Variants in WDR18 observed in about 807,000 individuals in gnomAD.
WDR18 encodes the protein WD repeat domain 18, also known as WD repeat-containing protein 18.
A neutral mutation model predicts 49.6 loss-of-function variants in WDR18; 33 were observed. The ratio of observed to expected loss-of-function variants is 0.67; its 90% confidence interval spans 0.50 to 0.89. The LOEUF is 0.89. WDR18 is among the 40% of genes least tolerant of loss of function. WDR18 has a pLI of 0.00. For synonymous variants in WDR18, 315 were observed against 263.6 expected, an observed-to-expected ratio of 1.19 and a Z score of -1.89; for missense variants, 653 against 593.6, an observed-to-expected ratio of 1.10 and a Z score of -1.04.
In WDR18 at chr19:985,862, T is replaced by C; in HGVS notation, c.211-3T>C. ...GCTCACGAGGCTGACTGTGCATCCT[T>C]AGGACCAGCTCCAGCAGAAGATCAT... On this transcript the variant is annotated splice_region_variant and splice_polypyrimidine_tract_variant and intron_variant, in intron 1 of 9. Transcript: ENST00000585809. The C allele has an allele frequency of 3.7e-6, 6 of 1,613,674 alleles. No individual in the cohort carries two copies. Among genetic ancestry groups the C allele is most frequent in the Non-Finnish European group, 4.2e-6 (5 of 1,179,886 alleles).
At position 991,353 on chromosome 19, in the gene WDR18, T is replaced by G; in HGVS notation, c.931+2T>G. On this transcript the variant is annotated splice_donor_variant, in intron 7 of 9. Transcript: ENST00000585809. LOFTEE classifies it high-confidence loss of function. ...GCATCCGGACGGTGGCCCTCAAAGGTGGGCGCGCCTCTGCTCGGCCCGCGG... is the reference window on the plus strand; with the variant it reads ...GCATCCGGACGGTGGCCCTCAAAGGGGGGCGCGCCTCTGCTCGGCCCGCGG... The G allele has an allele frequency of 6.7e-7, 1 of 1,484,518 alleles. No homozygotes were observed. Among genetic ancestry groups the G allele is most frequent in the Non-Finnish European group, 9.0e-7 (1 of 1,112,802 alleles). 92.0% of individuals were successfully genotyped at this position (1,484,518 alleles called of 1,614,324 possible). A position where few individuals can be genotyped will look rare whatever the true frequency, so the allele number is the denominator to read the frequency against.
At chr19:988,615 A>G (rs2038501093) in intron 2 of WDR18, among the ~76,000 whole-genome samples, 1 of 152,264 alleles carries the variant, frequency 6.6e-6, no homozygotes, top group Non-Finnish European at 1.5e-5. Context: ...ACTTTCGACA[A>G]CAGAAACTCG....
chr19:984,557 G>A lies in WDR18; in HGVS notation c.204G>A (p.Gln68=). 6.8e-7 allele frequency: 1 copy of A among 1,477,618 alleles called. No homozygotes were observed. Among genetic ancestry groups the A allele is most frequent in the Non-Finnish European group, 9.0e-7 (1 of 1,112,734 alleles). The allele number at this position is 1,477,618 out of a possible 1,614,324, so 91.5% of individuals were successfully genotyped here. Residue 68 remains glutamine, a synonymous_variant, in exon 1 of 10, where the codon CAG becomes CAA. Transcript: ENST00000585809. ...ATTACATCAGCGCCTGGGAGCTCCA[G>A]CGGAAGGTGCGGCGGTGCGGTCTCG... The part of the protein sequence containing the change: ...GKNYISAWEL[Q]RKDQLQQKIM...
At chr19:994,120 A>G in intron 9 of WDR18, 32 bp downstream of exon 9, 1 of 1,549,484 alleles carries the variant, frequency 6.5e-7, no homozygotes. Flanking sequence ...GCGGGGCCTG[A>G]GGCTGGGGTC....
intron 2 of WDR18, 72 bp downstream of exon 2, chr19:986,047 A>G: frequency 6.8e-7 from 1 of 1,465,196 alleles, no homozygotes. Context: ...GCAGGGCACC[A>G]GGGAACAACC....
chr19:990,000 C>A, intron 3 of WDR18, 105 bp downstream of exon 3: 1 of 1,492,326 alleles, frequency 6.7e-7, no homozygotes, highest in Admixed American at 2.3e-5. Context: ...CTCTTGGGGG[C>A]TGGAGTGCAG....
In WDR18 at chr19:989,871, T is replaced by C; in HGVS notation, c.431T>C (p.Leu144Pro). 1 of 1,611,504 alleles carries C rather than the reference T, an allele frequency of 6.2e-7. No individual in the cohort carries two copies. The change falls in exon 3 of 10, where the codon CTG (leucine) becomes CCG (proline). Residue 144 changes from leucine (L) to proline (P), a missense_variant. Leu to Pro is a moderately conservative substitution (Grantham distance 98). Transcript: ENST00000585809. ...SHFISGGKDC[L>P]VLVWSLCSVL... is the part of the protein sequence containing the mutation. ...TTCATCTCAGGGGGCAAGGACTGCCTGGTGCTGGTTTGGAGCCTCTGCAGG... is the reference window on the plus strand; with the variant it reads ...TTCATCTCAGGGGGCAAGGACTGCCCGGTGCTGGTTTGGAGCCTCTGCAGG...
intron 7 of WDR18, 31 bp downstream of exon 7, chr19:991,382 G>C: frequency 6.6e-7 from 1 of 1,521,298 alleles, no homozygotes; most frequent in Non-Finnish European, 8.8e-7. Flanking sequence ...CCCGCGGCCA[G>C]CGCGCAGGGG....
At chr19:992,325 TTAACCA>T (rs2038570474) in intron 8 of WDR18, among the ~76,000 whole-genome samples, 1 of 152,182 alleles carries the variant, frequency 6.6e-6, no homozygotes, top group South Asian at 2.1e-4. Context: ...CTCTGAGAAG[TTAACCA>T]CCCCTCTTCC....
intron 8 of WDR18, among the ~76,000 whole-genome samples, chr19:993,060 C>T (rs759671768): frequency 2.6e-5 from 4 of 152,296 alleles, no homozygotes; most frequent in East Asian, 1.9e-4. Context: ...GGGCTTGGGG[C>T]GGGCAGGCAG....
At chr19:991,859 T>TGGGGGCGGGGACTGCCC in intron 7 of WDR18, 96 bp from the exon 8 acceptor site, 1 of 1,104,794 alleles carries the variant, frequency 9.1e-7, no homozygotes, top group Non-Finnish European at 1.1e-6. Context: ...GGGGACTGGC[T>TGGGGGCGGGGACTGCCC]GGGGGCGGGG....
intron 9 of WDR18, 24 bp from the exon 10 acceptor site, chr19:994,189 C>G: frequency 6.3e-7 from 1 of 1,584,742 alleles, no homozygotes; most frequent in Non-Finnish European, 8.6e-7. Context: ...CACTTCTGCC[C>G]TCTGACCCCG....
rs1419689079 is a variant in WDR18, at chr19:994,465, C to T, written c.*121C>T. ...ACTCTCCTCAGTTCTGTGTCGTGTT[C>T]GGGTTTTTCCTCTGTGACTGGGCCG... is the stretch of plus-strand genomic sequence containing the variant. On this transcript the variant is annotated 3_prime_UTR_variant, in exon 10 of 10. Coordinates refer to ENST00000585809, the MANE Select transcript of WDR18 (RefSeq NM_024100.4). The T allele has an allele frequency of 2.0e-5, 28 of 1,390,076 alleles. No homozygotes were observed. The highest frequency in any genetic ancestry group is 1.5e-4 in the East Asian group (6 of 39,432). 86.1% of individuals were successfully genotyped at this position (1,390,076 alleles called of 1,614,324 possible). A position where few individuals can be genotyped will look rare whatever the true frequency, so the allele number is the denominator to read the frequency against.
In WDR18 at chr19:992,166, A is replaced by G. The variant is rs920608331; in HGVS notation, c.1098+45A>G. On this transcript the variant is annotated intron_variant, in intron 8 of 9. Transcript: ENST00000585809. ...ACCCCCACTGCCCTTTTGTCCCGGA[A>G]GACCCCGCGGGCCCTGGGCTCCTTC... 4 of 1,405,244 alleles carry G rather than the reference A, an allele frequency of 2.8e-6. No homozygotes were observed. The African/African-American group carries it at 6.1e-5, about 21-fold the overall frequency. The allele number at this position is 1,405,244 out of a possible 1,614,324, so 87.0% of individuals were successfully genotyped here.
rs182683521 is a variant in WDR18, at chr19:990,255, C to T, written c.488C>T (p.Ala163Val). ...VLQADPSRIPAPRHVWSHHAL... is the reference protein window; with the variant it reads ...VLQADPSRIPVPRHVWSHHAL... ...CAGGCCGACCCCTCCAGGATTCCGG[C>T]GCCCAGGCACGTCTGGTCTCACCAC... Residue 163 changes from alanine (A) to valine (V), a missense_variant, in exon 4 of 10, where the codon GCG becomes GTG. Ala to Val is a moderately conservative substitution (Grantham distance 64). Transcript: ENST00000585809. The T allele has an allele frequency of 1.4e-5, 22 of 1,598,898 alleles. No individual in the cohort carries two copies. In the East Asian group the frequency reaches 1.8e-4, roughly 13 times the overall value.
chr19:989,770 C>G lies in WDR18; in HGVS notation c.330C>G (p.Thr110=). 1 of 1,612,798 alleles carries G rather than the reference C, an allele frequency of 6.2e-7. No individual in the cohort carries two copies. Among genetic ancestry groups the G allele is most frequent in the Admixed American group, 1.7e-5 (1 of 60,012 alleles). ...CCCTCTGCCCCTCACAGGTCTCCACCGGGAACCTTCTGGTCATCCTGAGTC... is the reference window on the plus strand; with the variant it reads ...CCCTCTGCCCCTCACAGGTCTCCACGGGGAACCTTCTGGTCATCCTGAGTC... ...AESIHLWEVS[T]GNLLVILSRH... is the part of the protein sequence containing the mutation. The change falls in exon 3 of 10, where the codon ACC becomes ACG. Residue 110 remains threonine (T), a synonymous_variant. Transcript: ENST00000585809.
At position 990,899 on chromosome 19, in the gene WDR18, C is replaced by G; in HGVS notation, c.645C>G (p.Asp215Glu). 1 of 1,612,642 alleles carries G rather than the reference C, an allele frequency of 6.2e-7. No individual in the cohort carries two copies. Among genetic ancestry groups the G allele is most frequent in the African/African-American group, 1.3e-5 (1 of 75,062 alleles). Residue 215 changes from aspartate (D) to glutamate (E), a missense_variant, in exon 5 of 10, where the codon GAC becomes GAG. Asp to Glu is a conservative substitution (Grantham distance 45). Coordinates refer to ENST00000585809, the MANE Select transcript of WDR18 (RefSeq NM_024100.4). ...SGELLLSVLFDVSIMAVTMDL... is the reference protein window; with the variant it reads ...SGELLLSVLFEVSIMAVTMDL... Reference sequence around the variant, plus strand: ...AGCTGCTGCTCTCCGTCCTCTTTGACGTGTCCATCATGGCAGTGACCATGG... The same window carrying G: ...AGCTGCTGCTCTCCGTCCTCTTTGAGGTGTCCATCATGGCAGTGACCATGG...
At chr19:993,896 C>T in intron 8 of WDR18, 124 bp from the exon 9 acceptor site, 6 of 1,058,702 alleles carry the variant, frequency 5.7e-6, no homozygotes, top group South Asian at 1.4e-5. Flanking sequence ...TCCCTTCTGT[C>T]TGTGGGCGTC....
chr19:985,531 A>T (rs899506586), intron 1 of WDR18, among the ~76,000 whole-genome samples: 15 of 152,084 alleles, frequency 9.9e-5, no homozygotes, highest in Non-Finnish European at 2.9e-5. Flanking sequence ...GACATTATGG[A>T]TAGAAGGATT....
Sources: allele counts gnomAD v4.1 joint callset (sites outside exome capture counted in the v4.1 genomes callset), GRCh38; gene constraint gnomAD v4.1.1; transcripts MANE v1.5; gene names NCBI Gene and HGNC (gene_info 2026-07-23, HGNC 2026-07-21).